The following FOXN3 variants were observed in gnomAD, a reference collection of about 807,000 sequenced individuals.
The protein encoded by FOXN3 is forkhead box N3.
Under a neutral mutation model 38.4 loss-of-function variants are expected in FOXN3, and 7 were observed. The ratio of observed to expected loss-of-function variants is 0.18; its 90% CI spans 0.10 to 0.34. FOXN3 has a LOEUF of 0.34. Ranked by LOEUF, FOXN3 falls within the 10% of genes least tolerant of loss-of-function variation. FOXN3 has a pLI of 1.00. For synonymous variants in FOXN3, 230 were observed against 242.2 expected, an observed-to-expected ratio of 0.95 and a Z score of 0.47; for missense variants, 456 against 613.4, an observed-to-expected ratio of 0.74 and a Z score of 2.71.
intron 1 of FOXN3, among the ~76,000 whole-genome samples, chr14:89,596,324 C>T (rs79913158): frequency 0.064 from 9,731 of 152,020 alleles, 753 homozygotes; most frequent in African/African-American, 0.17. Context: ...TTTTAGTTGA[C>T]GGGCATTTCA....
intron 2 of FOXN3, among the ~76,000 whole-genome samples, chr14:89,375,313 A>T (rs1305043725): frequency 5.9e-5 from 9 of 152,160 alleles, no homozygotes; most frequent in East Asian, 1.9e-4. Context: ...AGTTTTTTTT[A>T]AAAAAGCAAA....
rs147324421 is a variant in FOXN3 at position 89,356,451 on chromosome 14, A to C, written c.544-5643T>G. On this transcript the variant is annotated intron_variant, in intron 2 of 5. Transcript: ENST00000557258. ...TAAATTAAATTAAAACAACACAGAAAGTTTACATTTTATAACAACCTTATT... is the reference window on the plus strand; with the variant it reads ...TAAATTAAATTAAAACAACACAGAACGTTTACATTTTATAACAACCTTATT... The C allele has an allele frequency of 8.2e-3, 1,254 of 152,226 alleles. 28 individuals carry two copies. Among genetic ancestry groups the C allele is most frequent in the African/African-American group, 0.028 (1,182 of 41,546 alleles). 9.4% of individuals were successfully genotyped at this position (152,226 alleles called of 1,614,324 possible).
At chr14:89,433,426 T>C (rs1225014282) in intron 1 of FOXN3, among the ~76,000 whole-genome samples, 1 of 151,998 alleles carries the variant, frequency 6.6e-6, no homozygotes, top group East Asian at 1.9e-4. Context: ...AGGTTGCAGT[T>C]AGCCGAGATC....
chr14:89,376,471 A>G (rs910517445), intron 2 of FOXN3, among the ~76,000 whole-genome samples: 2 of 152,238 alleles, frequency 1.3e-5, no homozygotes, highest in Non-Finnish European at 2.9e-5. Context: ...AACTAATGAT[A>G]GAATTAGAAA....
At chr14:89,567,974 G>A (rs960975940) in intron 1 of FOXN3, among the ~76,000 whole-genome samples, 8 of 151,870 alleles carry the variant, frequency 5.3e-5, no homozygotes, top group South Asian at 2.1e-4. Context: ...CACCCGCCTC[G>A]GCCTCCCAAA....
At chr14:89,172,207 T>C (rs1393188542) in intron 5 of FOXN3, among the ~76,000 whole-genome samples, 2 of 152,138 alleles carry the variant, frequency 1.3e-5, no homozygotes, top group African/African-American at 4.8e-5. Flanking sequence ...ACTGTAAGAT[T>C]TAAGTAAATG....
chr14:89,392,637 C>CT (rs71130072), intron 2 of FOXN3, among the ~76,000 whole-genome samples: 11,483 of 118,684 alleles, frequency 0.097, 874 homozygotes, highest in East Asian at 0.29. Context: ...TGTGTCTCGT[C>CT]TTTTTTTTTT....
chr14:89,299,833 T>C (rs1231853546), intron 3 of FOXN3, among the ~76,000 whole-genome samples: 1 of 152,198 alleles, frequency 6.6e-6, no homozygotes, highest in African/African-American at 2.4e-5. Context: ...GACTAGACAA[T>C]GTTAGTATGG....
intron 2 of FOXN3, among the ~76,000 whole-genome samples, chr14:89,383,649 A>C (rs973739558): frequency 6.6e-6 from 1 of 152,092 alleles, no homozygotes; most frequent in Admixed American, 6.5e-5. Flanking sequence ...TTCCTGTGTC[A>C]TCTTCCCCAC....
chr14:89,529,645 GGAA>G (rs1894513134), intron 1 of FOXN3, among the ~76,000 whole-genome samples: 2 of 152,154 alleles, frequency 1.3e-5, no homozygotes, highest in Admixed American at 1.3e-4. Flanking sequence ...CTCCTATCCA[GGAA>G]GGGGGCATTT....
chr14:89,529,442 CT>C (rs1169650400), intron 1 of FOXN3, among the ~76,000 whole-genome samples: 1 of 152,168 alleles, frequency 6.6e-6, no homozygotes, highest in Non-Finnish European at 1.5e-5. Flanking sequence ...AGTCTAGATG[CT>C]TTTACTGTCT....
intron 3 of FOXN3, among the ~76,000 whole-genome samples, chr14:89,292,996 C>A (rs530563709): frequency 6.6e-6 from 1 of 152,198 alleles, no homozygotes; most frequent in African/African-American, 2.4e-5. Context: ...CTCTTCTTGC[C>A]GGACAGTCGG....
At chr14:89,313,772 T>G (rs1025148947) in intron 3 of FOXN3, among the ~76,000 whole-genome samples, 1 of 152,174 alleles carries the variant, frequency 6.6e-6, no homozygotes, top group African/African-American at 2.4e-5. Flanking sequence ...TGTGGTATTA[T>G]ACATACATAC....
intron 4 of FOXN3, among the ~76,000 whole-genome samples, chr14:89,244,338 T>C (rs993041332): frequency 1.3e-5 from 2 of 152,202 alleles, no homozygotes; most frequent in African/African-American, 4.8e-5. Flanking sequence ...GTCTAAGCCA[T>C]ACCTACAAAT....
In FOXN3 at chr14:89,511,247, TTTTCTTTCTTTCTTTCTTTCTTTC is replaced by T. The variant is rs869191500; in HGVS notation, c.-14-98781_-14-98758del. 8.0e-4 allele frequency among the ~76,000 whole-genome samples: 9 copies of T among 11,298 alleles called. 2 individuals are homozygous for T. Among genetic ancestry groups the T allele is most frequent in the East Asian group, 2.9e-3 (3 of 1,052 alleles). 7.4% of individuals were successfully genotyped at this position (11,298 alleles called of 152,430 possible). A position where few individuals can be genotyped will look rare whatever the true frequency, so the allele number is the denominator to read the frequency against. ...TCTTTCTTTTCTTTCCTTTTCTTTCTTTTCTTTCTTTCTTTCTTTCTTTCTTTCTTTCTTTCTTTCTTTCTTTCT... is the reference window on the plus strand; with the variant it reads ...TCTTTCTTTTCTTTCCTTTTCTTTCTTTTCTTTCTTTCTTTCTTTCTTTCT... On this transcript the variant is annotated intron_variant, in intron 1 of 6. Transcript: ENST00000345097.
rs1408060685 is a variant in FOXN3, at chr14:89,548,835, T to C, written c.-15+70193A>G. Among the ~76,000 whole-genome samples, 2 of 152,188 alleles carry C rather than the reference T, an allele frequency of 1.3e-5. No homozygotes were observed. The highest frequency in any genetic ancestry group is 2.9e-5 in the Non-Finnish European group (2 of 68,024). ...GAACAAGGTATTCAGTTTTTTATAA[T>C]GTGCCGGGCGCGGTGGCTCACGCCT... On this transcript the variant is annotated intron_variant, in intron 1 of 6. Transcript: ENST00000345097. This position sits in a 1 kb window ranked among gnomAD's most constrained non-coding sequence, Gnocchi z 4.8.
chr14:89,408,400 G>A (rs1411262529), intron 2 of FOXN3, among the ~76,000 whole-genome samples: 5 of 151,764 alleles, frequency 3.3e-5, no homozygotes, highest in African/African-American at 1.2e-4. Flanking sequence ...TGGGACTACA[G>A]GAGTATGCCA....
intron 1 of FOXN3, among the ~76,000 whole-genome samples, chr14:89,584,826 C>T (rs1895812277): frequency 6.6e-6 from 1 of 152,098 alleles, no homozygotes; most frequent in African/African-American, 2.4e-5. Context: ...AATTCTTCCA[C>T]CTCAGCCTCC....
chr14:89,178,589 T>C (rs1887586061), intron 5 of FOXN3, among the ~76,000 whole-genome samples: 1 of 152,226 alleles, frequency 6.6e-6, no homozygotes, highest in Non-Finnish European at 1.5e-5. Context: ...AGGCACTCAG[T>C]GGACTGCATG....
Sources: gnomAD v4.1 joint callset for allele counts (sites outside exome capture counted in the v4.1 genomes callset) on GRCh38, gnomAD v4.1.1 for gene constraint, Gnocchi (gnomAD v3.1) non-coding constraint, MANE v1.5 for transcripts, NCBI Gene and HGNC (gene_info 2026-07-23, HGNC 2026-07-21) for gene names.